The following KHDRBS2 variants were observed in gnomAD, a reference collection of about 807,000 sequenced individuals.
KHDRBS2 encodes the protein KH RNA binding domain containing, signal transduction associated 2, also known as KH domain-containing, RNA-binding, signal transduction-associated protein 2.
A neutral mutation model predicts 44.3 loss-of-function variants in KHDRBS2; 26 were observed. The observed-to-expected ratio is 0.59, with a 90% confidence interval of 0.43 to 0.81. The LOEUF (loss-of-function observed/expected upper bound fraction) is 0.81. KHDRBS2 is among the 40% of genes least tolerant of loss of function. KHDRBS2 has a pLI of 0.00. For missense variants in KHDRBS2, 476 were observed against 433.1 expected (o/e 1.10, Z -0.88); for synonymous variants, 194 against 151.1 (o/e 1.28, Z -2.08).
the KHDRBS2 span, among the ~76,000 whole-genome samples, chr6:61,552,959 ATTG>A: frequency 1.3e-5 from 2 of 151,632 alleles, no homozygotes; most frequent in Non-Finnish European, 1.5e-5. Context: ...CTGACCTGTT[ATTG>A]TTGTTGTTAT....
intron 4 of KHDRBS2, among the ~76,000 whole-genome samples, chr6:61,930,168 A>G (rs1809742753): frequency 6.6e-6 from 1 of 152,152 alleles, no homozygotes; most frequent in Non-Finnish European, 1.5e-5. Context: ...GCCATGTTGG[A>G]AGCAGAGAGC....
intron 7 of KHDRBS2, among the ~76,000 whole-genome samples, chr6:61,720,491 C>T (rs1305445634): frequency 2.0e-5 from 3 of 152,100 alleles, no homozygotes; most frequent in African/African-American, 7.2e-5. Context: ...GAGATGGTAC[C>T]TCATTGTGGT....
chr6:61,801,559 TC>T (rs1160452564), intron 6 of KHDRBS2, among the ~76,000 whole-genome samples: 1 of 152,192 alleles, frequency 6.6e-6, no homozygotes, highest in African/African-American at 2.4e-5. Context: ...AGCTCATTTG[TC>T]TTATTCAATT....
chr6:62,203,224 G>A (rs1013881716), intron 1 of KHDRBS2, among the ~76,000 whole-genome samples: 10 of 152,028 alleles, frequency 6.6e-5, no homozygotes, highest in African/African-American at 1.7e-4. Context: ...TGGGATGTTA[G>A]GGAATATTTT....
rs535207421 is a variant in KHDRBS2, at chr6:62,225,334, G to T, written c.92-48022C>A. On this transcript the variant is annotated intron_variant, in intron 1 of 8. Coordinates refer to ENST00000281156, the MANE Select transcript of KHDRBS2 (RefSeq NM_152688.4). ...TCTTTAAAATTAAAAATTAAAGATA[G>T]TCAAAACCTTAAGGTATAAAATTGG... Among the ~76,000 whole-genome samples, 6 of 152,230 alleles carry T rather than the reference G, an allele frequency of 3.9e-5. No individual in the cohort carries two copies. The South Asian group carries it at 1.2e-3, about 32-fold the overall frequency.
intron 6 of KHDRBS2, among the ~76,000 whole-genome samples, chr6:61,823,074 T>TAAATGATG (rs1368183047): frequency 2.0e-5 from 3 of 151,824 alleles, no homozygotes; most frequent in African/African-American, 7.3e-5. Context: ...CATGATGGGG[T>TAAATGATG]CATTCTAGCT....
chr6:61,761,405 C>A (rs1398426675), intron 6 of KHDRBS2, among the ~76,000 whole-genome samples: 1 of 152,122 alleles, frequency 6.6e-6, no homozygotes, highest in East Asian at 1.9e-4. Flanking sequence ...TTTATATTTT[C>A]TATTATAATA....
At chr6:62,169,059 A>ATATATATATATATATATG (rs1338584117) in intron 2 of KHDRBS2, among the ~76,000 whole-genome samples, 112 of 139,576 alleles carry the variant, frequency 8.0e-4, no homozygotes, top group South Asian at 2.9e-3. Flanking sequence ...ATATATATAT[A>ATATATATATATATATATG]TATGTATACA....
intron 2 of KHDRBS2, among the ~76,000 whole-genome samples, chr6:62,168,028 C>T (rs1819069592): frequency 6.6e-6 from 1 of 152,258 alleles, no homozygotes; most frequent in Non-Finnish European, 1.5e-5. Flanking sequence ...GAGGATGAGA[C>T]TTCTTCCAAC....
At chr6:62,035,658 T>C (rs1785153861) in intron 3 of KHDRBS2, among the ~76,000 whole-genome samples, 1 of 152,028 alleles carries the variant, frequency 6.6e-6, no homozygotes, top group East Asian at 1.9e-4. Flanking sequence ...ATTGGATTGT[T>C]TGTAATACAA....
the KHDRBS2 span, among the ~76,000 whole-genome samples, chr6:61,644,691 C>A: frequency 5.9e-5 from 9 of 152,170 alleles, no homozygotes; most frequent in South Asian, 2.1e-4. Context: ...ATGTGGCCAA[C>A]AAGCATATGA....
At chr6:62,128,566 C>G (rs1287214970) in intron 2 of KHDRBS2, among the ~76,000 whole-genome samples, 1 of 151,948 alleles carries the variant, frequency 6.6e-6, no homozygotes, top group Non-Finnish European at 1.5e-5. Flanking sequence ...CTCTCTCTCT[C>G]TCTCTTCCTT....
At chr6:61,910,929 A>G (rs746423078) in intron 4 of KHDRBS2, among the ~76,000 whole-genome samples, 1 of 152,202 alleles carries the variant, frequency 6.6e-6, no homozygotes, top group Non-Finnish European at 1.5e-5. Flanking sequence ...GCTTTATTTC[A>G]TTTAAAGTCA....
At chr6:61,853,065 G>A (rs1278353155) in intron 6 of KHDRBS2, among the ~76,000 whole-genome samples, 1 of 152,122 alleles carries the variant, frequency 6.6e-6, no homozygotes, top group East Asian at 1.9e-4. Flanking sequence ...CCTGAGCTCT[G>A]AGCTTCTGGC....
At chr6:61,865,124 A>T (rs950121943) in intron 6 of KHDRBS2, among the ~76,000 whole-genome samples, 12 of 152,106 alleles carry the variant, frequency 7.9e-5, no homozygotes, top group Non-Finnish European at 1.6e-4. Context: ...CTGTCAGGTC[A>T]GTTATGTTCC....
chr6:62,014,598 T>C (rs1584161437), intron 3 of KHDRBS2, among the ~76,000 whole-genome samples: 1 of 152,284 alleles, frequency 6.6e-6, no homozygotes, highest in East Asian at 1.9e-4. Flanking sequence ...TCAATTCATA[T>C]AGTAATGAAA....
intron 1 of KHDRBS2, among the ~76,000 whole-genome samples, chr6:62,200,968 A>C (rs1352440934): frequency 3.3e-5 from 5 of 152,208 alleles, no homozygotes; most frequent in Non-Finnish European, 7.3e-5. Flanking sequence ...CATCATTCTC[A>C]GCAAACTATC....
At chr6:61,981,523 C>T (rs756102021) in intron 3 of KHDRBS2, among the ~76,000 whole-genome samples, 1 of 151,650 alleles carries the variant, frequency 6.6e-6, no homozygotes, top group African/African-American at 2.4e-5. Context: ...AAGTATGTTA[C>T]CTCGTATACT....
chr6:61,811,273 C>T (rs555390031), intron 6 of KHDRBS2, among the ~76,000 whole-genome samples: 2 of 151,996 alleles, frequency 1.3e-5, no homozygotes, highest in Non-Finnish European at 2.9e-5. Context: ...TATGTTGCTG[C>T]GAAAAACATG....
Sources: allele counts gnomAD v4.1 joint callset (sites outside exome capture counted in the v4.1 genomes callset), GRCh38; gene constraint gnomAD v4.1.1; transcripts MANE v1.5; gene names NCBI Gene and HGNC (gene_info 2026-07-23, HGNC 2026-07-21).